The following CSNK2A2IP variants were observed in gnomAD, a reference collection of about 807,000 sequenced individuals.
CSNK2A2IP encodes the protein casein kinase II subunit alpha'-interacting protein.
At chr3:88,394,260 AC>A in the CSNK2A2IP span, among the ~76,000 whole-genome samples, 1 of 152,254 alleles carries the variant, frequency 6.6e-6, no homozygotes, top group African/African-American at 2.4e-5. Context: ...ATATTCCATT[AC>A]TAAATACATT....
the CSNK2A2IP span, among the ~76,000 whole-genome samples, chr3:88,372,726 A>T: frequency 6.6e-6 from 1 of 151,460 alleles, no homozygotes; most frequent in African/African-American, 2.4e-5. Context: ...CCTACGAGAG[A>T]TGTATTTTGT....
At chr3:88,404,822 A>T in the CSNK2A2IP span, among the ~76,000 whole-genome samples, 1 of 122,578 alleles carries the variant, frequency 8.2e-6, no homozygotes, top group Admixed American at 7.9e-5. Flanking sequence ...TCTTTGTGTG[A>T]CTAAAGTTTC....
the CSNK2A2IP span, among the ~76,000 whole-genome samples, chr3:88,371,696 A>G: frequency 6.6e-6 from 1 of 151,754 alleles, no homozygotes; most frequent in African/African-American, 2.4e-5. Context: ...TTATACCTAC[A>G]GGAAGTTCAG....
the CSNK2A2IP span, among the ~76,000 whole-genome samples, chr3:88,412,543 T>C: frequency 6.6e-6 from 1 of 152,044 alleles, no homozygotes; most frequent in East Asian, 1.9e-4. Context: ...TACTCACATG[T>C]ACTTTTTAAA....
the CSNK2A2IP span, among the ~76,000 whole-genome samples, chr3:88,379,738 C>T: frequency 3.9e-5 from 6 of 152,052 alleles, no homozygotes; most frequent in Non-Finnish European, 7.4e-5. Flanking sequence ...TAGGGCAGGT[C>T]CTGGCATTGT....
the CSNK2A2IP span, among the ~76,000 whole-genome samples, chr3:88,357,344 G>GT: frequency 1.3e-5 from 2 of 151,992 alleles, no homozygotes; most frequent in African/African-American, 4.8e-5. Flanking sequence ...TCTTAGCAGT[G>GT]TATGTTCTTG....
At chr3:88,429,389 C>T in the CSNK2A2IP span, among the ~76,000 whole-genome samples, 2 of 152,150 alleles carry the variant, frequency 1.3e-5, no homozygotes, top group Admixed American at 6.5e-5. Context: ...CAAAAGGATG[C>T]CTGGGAAGTA....
At chr3:88,413,150 C>T in the CSNK2A2IP span, among the ~76,000 whole-genome samples, 1 of 152,000 alleles carries the variant, frequency 6.6e-6, no homozygotes. Flanking sequence ...TAGGCATAAA[C>T]TCATGATATA....
At chr3:88,467,154 T>TA in the CSNK2A2IP span, 21 of 404,440 alleles carry the variant, frequency 5.2e-5, no homozygotes, top group South Asian at 8.8e-4. Context: ...TGTTTTATGT[T>TA]AAAAAAAATA....
At chr3:88,384,534 G>A in the CSNK2A2IP span, among the ~76,000 whole-genome samples, 1 of 152,180 alleles carries the variant, frequency 6.6e-6, no homozygotes, top group Non-Finnish European at 1.5e-5. Context: ...ACATGCAATA[G>A]AAGGGAAGAG....
the CSNK2A2IP span, among the ~76,000 whole-genome samples, chr3:88,434,685 C>G: frequency 4.6e-5 from 7 of 152,242 alleles, no homozygotes; most frequent in African/African-American, 1.4e-4. Context: ...AGTTTCCCCA[C>G]CCAATGCTAC....
the CSNK2A2IP span, among the ~76,000 whole-genome samples, chr3:88,395,361 A>G: frequency 6.6e-6 from 1 of 152,216 alleles, no homozygotes; most frequent in African/African-American, 2.4e-5. Context: ...GATATGAAAT[A>G]AGGGTCAAAT....
At chr3:88,350,088 C>T in the CSNK2A2IP span, among the ~76,000 whole-genome samples, 3 of 152,032 alleles carry the variant, frequency 2.0e-5, no homozygotes, top group Admixed American at 2.0e-4. Flanking sequence ...TCTTCATTTT[C>T]AGTATCTAAA....
chr3:88,441,362 G>A, the CSNK2A2IP span, among the ~76,000 whole-genome samples: 5 of 151,946 alleles, frequency 3.3e-5, no homozygotes, highest in South Asian at 2.1e-4. Flanking sequence ...ACTGTGGGAA[G>A]AAAAATAAAG....
At chr3:88,410,640 ATCTTTT>A in the CSNK2A2IP span, among the ~76,000 whole-genome samples, 7 of 152,026 alleles carry the variant, frequency 4.6e-5, no homozygotes, top group African/African-American at 1.7e-4. Context: ...AAGTTTAGTC[ATCTTTT>A]TCTTATTCTA....
the CSNK2A2IP span, among the ~76,000 whole-genome samples, chr3:88,455,406 T>C: frequency 2.6e-5 from 4 of 151,922 alleles, no homozygotes; most frequent in Non-Finnish European, 4.4e-5. Flanking sequence ...TTCTAACAGG[T>C]GACAGGTGTT....
the CSNK2A2IP span, among the ~76,000 whole-genome samples, chr3:88,415,753 G>A: frequency 1.3e-5 from 2 of 151,916 alleles, no homozygotes; most frequent in African/African-American, 4.8e-5. Context: ...AACCACAGTG[G>A]TGCACAGAGC....
the CSNK2A2IP span, among the ~76,000 whole-genome samples, chr3:88,432,079 T>C: frequency 6.6e-6 from 1 of 152,022 alleles, no homozygotes; most frequent in African/African-American, 2.4e-5. Flanking sequence ...TTGTAGTTTG[T>C]TTTTTAGACA....
At chr3:88,366,566 A>G in the CSNK2A2IP span, among the ~76,000 whole-genome samples, 3 of 152,118 alleles carry the variant, frequency 2.0e-5, no homozygotes, top group Non-Finnish European at 4.4e-5. Context: ...CCATGTTTAT[A>G]TTTTAGCAGA....
Sources: allele counts gnomAD v4.1 joint callset (sites outside exome capture counted in the v4.1 genomes callset), GRCh38; gene constraint gnomAD v4.1.1; transcripts MANE v1.5; gene names NCBI Gene and HGNC (gene_info 2026-07-23, HGNC 2026-07-21).